Variants in SPTBN4 observed in about 807,000 individuals in gnomAD.
SPTBN4 encodes spectrin beta, non-erythrocytic 4, also known as spectrin beta chain, non-erythrocytic 4.
A neutral mutation model predicts 277.8 loss-of-function variants in SPTBN4; 96 were observed. The ratio of observed to expected loss-of-function variants is 0.35; its 90% CI spans 0.29 to 0.41. The LOEUF is 0.41. Ranked by LOEUF, SPTBN4 falls within the 10% of genes least tolerant of loss-of-function variation. The probability of loss-of-function intolerance (pLI) is 1.00; values close to 1 mark genes in which losing one functional copy is unlikely to be tolerated. For missense variants in SPTBN4, 3,006 were observed against 3,595.7 expected, an observed-to-expected ratio of 0.84 and a Z score of 4.19; for synonymous variants, 1,481 against 1,580.3, an observed-to-expected ratio of 0.94 and a Z score of 1.49.
chr19:40,505,395 A>AAAAAG (rs1446965299), intron 12 of SPTBN4, among the ~76,000 whole-genome samples: 2 of 149,526 alleles, frequency 1.3e-5, no homozygotes, highest in Admixed American at 1.3e-4. Context: ...AAAAAAAAAA[A>AAAAAG]AAAAAAAAAG....
At chr19:40,528,704 C>T (rs765029362) in intron 17 of SPTBN4, among the ~76,000 whole-genome samples, 2 of 151,964 alleles carry the variant, frequency 1.3e-5, no homozygotes, top group East Asian at 1.9e-4. Flanking sequence ...CTCACTTTCT[C>T]GTTTGTTTTG....
intron 27 of SPTBN4, among the ~76,000 whole-genome samples, chr19:40,563,724 A>G (rs2081066183): frequency 6.7e-6 from 1 of 148,454 alleles, no homozygotes. Flanking sequence ...AAAAACAACA[A>G]CAACCAAAAC....
chr19:40,571,917 G>A, intron 33 of SPTBN4, 102 bp from the exon 34 acceptor site: 4 of 1,369,836 alleles, frequency 2.9e-6, no homozygotes, highest in South Asian at 1.6e-5. Context: ...CAAAGGTCCA[G>A]AGGTAGGAAG....
intron 12 of SPTBN4, 27 bp from the exon 13 acceptor site, chr19:40,506,209 T>A: frequency 6.3e-7 from 1 of 1,590,470 alleles, no homozygotes; most frequent in East Asian, 2.2e-5. Context: ...GTGCCAGAGG[T>A]GTGCTCAGTG....
At chr19:40,547,348 AG>A (rs1486450153) in intron 20 of SPTBN4, among the ~76,000 whole-genome samples, 4 of 152,068 alleles carry the variant, frequency 2.6e-5, no homozygotes, top group African/African-American at 7.2e-5. Flanking sequence ...GTCCCTACAA[AG>A]GACATGAACT....
chr19:40,486,917 G>C (rs1268339146), intron 2 of SPTBN4, among the ~76,000 whole-genome samples: 2 of 152,194 alleles, frequency 1.3e-5, no homozygotes, highest in African/African-American at 4.8e-5. Flanking sequence ...AGCAGGGAAG[G>C]CTTCCTGTGC....
In SPTBN4 at chr19:40,515,750, AC is replaced by A. The variant is rs1238114510; in HGVS notation, c.2903+303del. Reference sequence around the variant, plus strand: ...AAAGTATCCCAACATTCTTCCGGGCACAGTGGCTCATACTGTAATCCCAGCA... The same window carrying A: ...AAAGTATCCCAACATTCTTCCGGGCAAGTGGCTCATACTGTAATCCCAGCA... On this transcript the variant is annotated intron_variant, in intron 15 of 35. Coordinates refer to ENST00000598249, the MANE Select transcript of SPTBN4 (RefSeq NM_020971.3). This position sits in a 1 kb window ranked among gnomAD's most constrained non-coding sequence, Gnocchi z 4.1. Among the ~76,000 whole-genome samples, 1 of 151,894 alleles carries A rather than the reference AC, an allele frequency of 6.6e-6. No homozygotes were observed. The highest frequency in any genetic ancestry group is 1.5e-5 in the Non-Finnish European group (1 of 67,988).
chr19:40,500,880 A>G (rs557642524), intron 7 of SPTBN4, among the ~76,000 whole-genome samples: 34 of 152,046 alleles, frequency 2.2e-4, no homozygotes, highest in South Asian at 1.5e-3. Context: ...AAAGGAAAGG[A>G]AAGGAAAGGA....
At chr19:40,573,960 G>T (rs1483362008) in intron 35 of SPTBN4, among the ~76,000 whole-genome samples, 5 of 151,188 alleles carry the variant, frequency 3.3e-5, no homozygotes, top group Non-Finnish European at 7.4e-5. Context: ...AAATTAGCTG[G>T]GCATGGTGGC....
intron 17 of SPTBN4, among the ~76,000 whole-genome samples, chr19:40,526,786 C>T (rs2080597774): frequency 6.6e-6 from 1 of 151,706 alleles, no homozygotes; most frequent in South Asian, 2.1e-4. Context: ...TGAAGTCTCA[C>T]TATATTGCCC....
chr19:40,473,183 A>T (rs2079906242), intron 2 of SPTBN4, among the ~76,000 whole-genome samples: 1 of 151,996 alleles, frequency 6.6e-6, no homozygotes, highest in Non-Finnish European at 1.5e-5. Context: ...ACTAGCTGGG[A>T]CTACAGGTGC....
chr19:40,497,197 T>C (rs1172593821), intron 6 of SPTBN4, among the ~76,000 whole-genome samples: 1 of 151,684 alleles, frequency 6.6e-6, no homozygotes, highest in Admixed American at 6.6e-5. Context: ...TGTGGGCTCA[T>C]CTCTTCCAAG....
intron 20 of SPTBN4, among the ~76,000 whole-genome samples, chr19:40,548,908 G>T (rs1336016414): frequency 6.6e-6 from 1 of 152,184 alleles, no homozygotes; most frequent in Non-Finnish European, 1.5e-5. Flanking sequence ...CCGGGGTCAG[G>T]TAAGCCTCTT....
chr19:40,519,266 C>CAGAAACTGG lies in SPTBN4; in HGVS notation c.2904-127_2904-119dup. 1.1e-6 allele frequency: 1 copy of CAGAAACTGG among 895,824 alleles called. No individual in the cohort carries two copies. The highest frequency in any genetic ancestry group is 2.8e-5 in the South Asian group (1 of 36,042). The allele number at this position is 895,824 out of a possible 1,614,324, so 55.5% of individuals were successfully genotyped here. A position where few individuals can be genotyped will look rare whatever the true frequency, so the allele number is the denominator to read the frequency against. On this transcript the variant is annotated intron_variant, in intron 15 of 35. Transcript: ENST00000598249. The surrounding 1 kb of genome is among the most constrained non-coding windows in gnomAD (Gnocchi z 5.7). ...TGCGTAGGGTTCCATTTTACACCGG[C>CAGAAACTGG]AGAAACTGGAGAAACTTTCTGAGGT...
rs200003000 is a variant in SPTBN4, at chr19:40,557,074, C to T, written c.5341C>T (p.Arg1781Trp). ...EFASETGMAG[R>W]ERLAAVNQMV... ...TGCCAGCGAGACAGGTATGGCAGGG[C>T]GGGAACGGCTGGCAGCTGTGAACCA... Residue 1781 changes from arginine (R) to tryptophan (W), a missense_variant, in exon 26 of 36, where the codon CGG becomes TGG. Arg to Trp is a moderately radical substitution (Grantham distance 101). Around this residue, in one of 5 missense-constraint regions of SPTBN4, gnomAD observed 425 missense variants for 594.7 expected, o/e 0.71. Transcript: ENST00000598249. 11 of 1,506,546 alleles carry T rather than the reference C, an allele frequency of 7.3e-6. No individual in the cohort carries two copies. Among genetic ancestry groups the T allele is most frequent in the Middle Eastern group, 1.8e-4 (1 of 5,564 alleles). The allele number at this position is 1,506,546 out of a possible 1,614,324, so 93.3% of individuals were successfully genotyped here. A position where few individuals can be genotyped will look rare whatever the true frequency, so the allele number is the denominator to read the frequency against.
chr19:40,505,700 GAGGAAGGA>G (rs369584973), intron 12 of SPTBN4, among the ~76,000 whole-genome samples: 6,331 of 116,534 alleles, frequency 0.054, 191 homozygotes, highest in South Asian at 0.072. Flanking sequence ...GAATGAAAGG[GAGGAAGGA>G]AGGAAGGAAG....
At chr19:40,470,459 A>G (rs1445035732) in intron 1 of SPTBN4, among the ~76,000 whole-genome samples, 2 of 151,714 alleles carry the variant, frequency 1.3e-5, no homozygotes, top group Non-Finnish European at 2.9e-5. Context: ...GGCATGCACT[A>G]CCATGCCCAG....
intron 2 of SPTBN4, among the ~76,000 whole-genome samples, chr19:40,478,905 T>C (rs2079978427): frequency 6.6e-6 from 1 of 152,128 alleles, no homozygotes; most frequent in African/African-American, 2.4e-5. Flanking sequence ...ATGCTTAGGG[T>C]TCACATATAG....
At position 40,506,335 on chromosome 19, in the gene SPTBN4, G is replaced by C; in HGVS notation, c.1765G>C (p.Glu589Gln). The C allele has an allele frequency of 6.2e-7, 1 of 1,614,096 alleles. No individual in the cohort carries two copies. Residue 589 changes from glutamate (E) to glutamine (Q), a missense_variant, in exon 13 of 36, where the codon GAG becomes CAG. By Grantham distance (29) the Glu-to-Gln change is conservative. This residue lies in a region of SPTBN4 where 1,759 missense variants were observed against 2,061.5 expected (regional missense o/e 0.85). Transcript: ENST00000598249. ...GGAGGGAGACATTGCCGCCCAGAGCGAGCGGGTGGAGGCTCTCAATGCCGC... is the reference window on the plus strand; with the variant it reads ...GGAGGGAGACATTGCCGCCCAGAGCCAGCGGGTGGAGGCTCTCAATGCCGC... ...LLEGDIAAQSERVEALNAAAL... is the reference protein window; with the variant it reads ...LLEGDIAAQSQRVEALNAAAL...
Sources: gnomAD v4.1 joint callset for allele counts (sites outside exome capture counted in the v4.1 genomes callset) on GRCh38, gnomAD v4.1.1 for gene constraint, gnomAD v4.1.1 regional missense constraint, Gnocchi (gnomAD v3.1) non-coding constraint, MANE v1.5 for transcripts, NCBI Gene and HGNC (gene_info 2026-07-23, HGNC 2026-07-21) for gene names.